NCOA6: variants seen among roughly 807,000 people sequenced by gnomAD.
NCOA6 encodes the protein NRC RAP250.
A neutral mutation model predicts 171.4 loss-of-function variants in NCOA6; 49 were observed. The observed-to-expected ratio is 0.29, with a 90% CI of 0.23 to 0.36. The LOEUF is 0.36. NCOA6 is among the 10% of genes least tolerant of loss of function. NCOA6 has a pLI of 1.00. For missense variants in NCOA6, 2,248 were observed against 2,554.5 expected, an observed-to-expected ratio of 0.88 and a Z score of 2.59; for synonymous variants, 910 against 927.5, an observed-to-expected ratio of 0.98 and a Z score of 0.34.
intron 1 of NCOA6, among the ~76,000 whole-genome samples, chr20:34,824,936 C>G (rs1325584062): frequency 6.6e-6 from 1 of 152,142 alleles, no homozygotes; most frequent in Non-Finnish European, 1.5e-5. Context: ...ACAGCCTGAG[C>G]TTGGCCCCCA....
chr20:34,736,255 T>C (rs2075954988), intron 12 of NCOA6, among the ~76,000 whole-genome samples: 1 of 152,190 alleles, frequency 6.6e-6, no homozygotes, highest in African/African-American at 2.4e-5. Context: ...TATCACATTG[T>C]GGCAGAGACT....
chr20:34,802,494 G>A (rs932015099), intron 1 of NCOA6, among the ~76,000 whole-genome samples: 2 of 152,110 alleles, frequency 1.3e-5, no homozygotes, highest in Admixed American at 6.5e-5. Context: ...CCAGCTACCT[G>A]GCAGGCTGAG....
intron 7 of NCOA6, among the ~76,000 whole-genome samples, chr20:34,755,271 T>C (rs936103842): frequency 2.0e-5 from 3 of 152,184 alleles, no homozygotes; most frequent in Admixed American, 2.0e-4. Context: ...TTCAAACAAA[T>C]TGATGTGAAA....
rs1449315467 is a variant in NCOA6, at chr20:34,776,323, C to T, written c.361G>A (p.Asp121Asn). Residue 121 changes from aspartate (D) to asparagine (N), a missense_variant, in exon 4 of 15, where the codon GAT (aspartate) becomes AAT (asparagine). Physicochemically the swap from Asp to Asn is conservative, Grantham distance 23. Coordinates refer to ENST00000359003, the MANE Select transcript of NCOA6 (RefSeq NM_014071.5). ...ATCTGAACGGAGAGAATCCCTAAAT[C>T]CCGAAGCTGCTGGTTGTTGCTCTGA... The part of the protein sequence containing the change: ...LAQSNNQQLR[D>N]LGILSVQIEG... 7 of 1,613,992 alleles carry T rather than the reference C, an allele frequency of 4.3e-6. No individual in the cohort carries two copies. Among genetic ancestry groups the T allele is most frequent in the Non-Finnish European group, 4.2e-6 (5 of 1,180,022 alleles).
In NCOA6 at chr20:34,730,712, C is replaced by CTTT. The variant is rs141101262; in HGVS notation, c.5999+1844_5999+1846dup. Reference sequence around the variant, plus strand: ...GCTATTTAATGCTCTATGTTCTAGACTTTTTTTTTTTTTTTTTTAAGATAG... The same window carrying CTTT: ...GCTATTTAATGCTCTATGTTCTAGACTTTTTTTTTTTTTTTTTTTTTAAGATAG... On this transcript the variant is annotated intron_variant, in intron 13 of 14. Transcript: ENST00000359003. 4.0e-3 allele frequency among the ~76,000 whole-genome samples: 513 copies of CTTT among 129,004 alleles called. 6 individuals carry two copies. The highest frequency in any genetic ancestry group is 4.9e-3 in the Non-Finnish European group (305 of 62,524). 84.6% of individuals were successfully genotyped at this position (129,004 alleles called of 152,430 possible).
intron 4 of NCOA6, among the ~76,000 whole-genome samples, chr20:34,770,716 T>C (rs2077123613): frequency 6.6e-6 from 1 of 151,710 alleles, no homozygotes; most frequent in Non-Finnish European, 1.5e-5. Context: ...CTGTAACGTC[T>C]GCCTCCGGGT....
intron 7 of NCOA6, among the ~76,000 whole-genome samples, chr20:34,755,744 T>A (rs2145794341): frequency 6.6e-6 from 1 of 152,312 alleles, no homozygotes; most frequent in African/African-American, 2.4e-5. Context: ...TACTTTTATT[T>A]TTATTTTTTG....
rs142754677 is a variant in NCOA6, at chr20:34,788,775, G to A, written c.-50+3675C>T. 2.2e-3 allele frequency among the ~76,000 whole-genome samples: 330 copies of A among 152,184 alleles called. 1 individual carries two copies. The highest frequency in any genetic ancestry group is 7.5e-3 in the African/African-American group (310 of 41,536). On this transcript the variant is annotated intron_variant, in intron 2 of 14. Transcript: ENST00000359003. ...AGCCTGACCAACATGGAGAAACCCCGTCTCTACTAAAAATACAAAATTAGC... is the reference window on the plus strand; with the variant it reads ...AGCCTGACCAACATGGAGAAACCCCATCTCTACTAAAAATACAAAATTAGC...
chr20:34,790,796 C>T (rs1334360101), intron 2 of NCOA6, among the ~76,000 whole-genome samples: 4 of 151,970 alleles, frequency 2.6e-5, no homozygotes, highest in African/African-American at 7.3e-5. Context: ...ATTACAGGCA[C>T]GCACCACCAT....
rs750016843 is a variant in NCOA6, at chr20:34,740,426, A to G, written c.5830T>C (p.Ser1944Pro). 6.2e-7 allele frequency: 1 copy of G among 1,614,164 alleles called. No individual in the cohort carries two copies. The highest frequency in any genetic ancestry group is 1.1e-5 in the South Asian group (1 of 91,080). Reference protein sequence around the residue: ...KSNHGGIASESLAGGLVEEKV... With the variant: ...KSNHGGIASEPLAGGLVEEKV... ...TCCTCCACTAGGCCACCCGCAAGTG[A>G]CTCAGATGCTATGCCACCATGATTG... The change falls in exon 11 of 15, where the codon TCA becomes CCA. Residue 1944 changes from serine (S) to proline (P), a missense_variant. Around this residue, in one of 7 missense-constraint regions of NCOA6, gnomAD observed 884 missense variants for 941.9 expected, o/e 0.94. Transcript: ENST00000359003.
At chr20:34,818,979 A>C (rs6060065) in intron 1 of NCOA6, among the ~76,000 whole-genome samples, 102 of 152,348 alleles carry the variant, frequency 6.7e-4, no homozygotes, top group African/African-American at 2.3e-3. Flanking sequence ...ACAGTACTTA[A>C]TACATAGTAG....
chr20:34,750,431 A>G lies in NCOA6; in HGVS notation c.1764T>C (p.His588=), dbSNP rs2076437293. The G allele has an allele frequency of 6.2e-7, 1 of 1,614,026 alleles. No individual in the cohort carries two copies. The highest frequency in any genetic ancestry group is 1.6e-4 in the Middle Eastern group (1 of 6,062). The change falls in exon 9 of 15, where the codon CAT becomes CAC. Residue 588 remains histidine, a synonymous_variant. Transcript: ENST00000359003. ...NMMQPSLMGI[H]GNMNNQQAGT... ...CAGCCTGCTGATTGTTCATGTTGCC[A>G]TGAATTCCCATGAGGCTGGGCTGCA... is the stretch of plus-strand genomic sequence containing the variant.
chr20:34,732,694 T>C (rs1056347828), intron 12 of NCOA6, 99 bp from the exon 13 acceptor site: 99 of 980,080 alleles, frequency 1.0e-4, no homozygotes, highest in Non-Finnish European at 1.5e-4. Flanking sequence ...TAGGCTAAAG[T>C]GTCCCTGTGC....
intron 1 of NCOA6, among the ~76,000 whole-genome samples, chr20:34,801,002 C>T (rs2078238262): frequency 6.6e-6 from 1 of 152,082 alleles, no homozygotes; most frequent in Admixed American, 6.5e-5. Flanking sequence ...ATTGAAATAA[C>T]ATCAAGTATC....
intron 8 of NCOA6, among the ~76,000 whole-genome samples, chr20:34,753,206 C>T (rs1309117354): frequency 6.6e-6 from 1 of 151,108 alleles, no homozygotes; most frequent in East Asian, 2.1e-4. Context: ...CCACCACACC[C>T]GGCTAGTTTT....
At chr20:34,825,263 C>G (rs1437337065) in intron 1 of NCOA6, among the ~76,000 whole-genome samples, 1 of 150,672 alleles carries the variant, frequency 6.6e-6, no homozygotes. Context: ...AGGCCTGGGG[C>G]CCGCTCCCCA....
Position 34,749,878 on chromosome 20 carries a change from C to G in NCOA6, c.2317G>C (p.Val773Leu). 1.2e-6 allele frequency: 2 copies of G among 1,614,274 alleles called. No individual in the cohort carries two copies. The highest frequency in any genetic ancestry group is 1.7e-6 in the Non-Finnish European group (2 of 1,180,052). The change falls in exon 9 of 15, where the codon GTG (valine) becomes CTG (leucine). Residue 773 changes from valine (V) to leucine (L), a missense_variant. Val to Leu is a conservative substitution (Grantham distance 32). Coordinates refer to ENST00000359003, the MANE Select transcript of NCOA6 (RefSeq NM_014071.5). ...ATAACCTGAGATGGACTGTTGTTCA[C>G]AGGCCCTTGCTGGGGCAGCATCTGT... ...SGQMLPQQGP[V>L]NNSPSQVMGI...
In NCOA6 at chr20:34,742,500, G is replaced by A; in HGVS notation, c.3756C>T (p.Phe1252=). 1 of 1,614,188 alleles carries A rather than the reference G, an allele frequency of 6.2e-7. No individual in the cohort carries two copies. Among genetic ancestry groups the A allele is most frequent in the Non-Finnish European group, 8.5e-7 (1 of 1,180,040 alleles). The change falls in exon 11 of 15, where the codon TTC becomes TTT. Residue 1252 remains phenylalanine, a synonymous_variant. Transcript: ENST00000359003. Reference sequence around the variant, plus strand: ...GTAAAGGAATATTAATCTGTGGAGGGAAGAGTCCTGCTATGGAGGCATTGA... The same window carrying A: ...GTAAAGGAATATTAATCTGTGGAGGAAAGAGTCCTGCTATGGAGGCATTGA... ...ERLNASIAGL[F]PPQINIPLPP...
chr20:34,723,444 A>C (rs1989611272), intron 14 of NCOA6, among the ~76,000 whole-genome samples: 1 of 152,216 alleles, frequency 6.6e-6, no homozygotes, highest in Non-Finnish European at 1.5e-5. Context: ...AGAGACAGTT[A>C]GAGAATGATG....
Sources: allele counts gnomAD v4.1 joint callset (sites outside exome capture counted in the v4.1 genomes callset), GRCh38; gene constraint gnomAD v4.1.1; regional missense constraint gnomAD v4.1.1; transcripts MANE v1.5; gene names NCBI Gene and HGNC (gene_info 2026-07-23, HGNC 2026-07-21).